The following FAIM2 variants were observed in gnomAD, a reference collection of about 807,000 sequenced individuals.
The protein encoded by FAIM2 is protein lifeguard 2.
In FAIM2, 27 loss-of-function variants were observed where a neutral mutation model predicts 47.4. That is an observed-to-expected ratio of 0.57 (90% CI 0.42 to 0.78). The LOEUF (loss-of-function observed/expected upper bound fraction) is 0.78, where lower values mean the gene tolerates loss of function less well. Among genes scored for constraint, FAIM2 ranks in the 30% least tolerant of loss-of-function variants. FAIM2 has a pLI of 0.00. For missense variants in FAIM2, 311 were observed against 389.4 expected, an observed-to-expected ratio of 0.80 and a Z score of 1.69; for synonymous variants, 156 against 159.3, an observed-to-expected ratio of 0.98 and a Z score of 0.16.
intron 8 of FAIM2, among the ~76,000 whole-genome samples, chr12:49,889,823 C>G (rs910249502): frequency 6.6e-6 from 1 of 152,058 alleles, no homozygotes; most frequent in African/African-American, 2.4e-5. Context: ...GGGTTTGTGC[C>G]GGGCCTGGAG....
chr12:49,890,220 G>A (rs1205618819), intron 7 of FAIM2, 66 bp from the exon 8 acceptor site: 1 of 1,479,076 alleles, frequency 6.8e-7, no homozygotes, highest in African/African-American at 1.4e-5. Flanking sequence ...CACCCTCGAG[G>A]TCCAGCTCAG....
At chr12:49,897,947 C>T (rs1445163225) in intron 3 of FAIM2, 40 bp downstream of exon 3, 1 of 1,517,244 alleles carries the variant, frequency 6.6e-7, no homozygotes, top group Admixed American at 1.7e-5. Flanking sequence ...GGCTCCCCCA[C>T]TGAGGCTCCC....
Position 49,874,771 on chromosome 12 carries a change from G to A in FAIM2, c.802-4118C>T, listed in dbSNP as rs759133427. On this transcript the variant is annotated intron_variant, in intron 11 of 11. Coordinates refer to ENST00000320634, the MANE Select transcript of FAIM2 (RefSeq NM_012306.4). The surrounding 1 kb of genome is among the most constrained non-coding windows in gnomAD (Gnocchi z 4.2). Reference sequence around the variant, plus strand: ...CCTGCATAAATGCCAGTGTGAGGGCGTGTGGAGGCAACCCCCAGGCTGTTG... The same window carrying A: ...CCTGCATAAATGCCAGTGTGAGGGCATGTGGAGGCAACCCCCAGGCTGTTG... Among the ~76,000 whole-genome samples, 8 of 152,228 alleles carry A rather than the reference G, an allele frequency of 5.3e-5. No individual in the cohort carries two copies. The highest frequency in any genetic ancestry group is 1.5e-5 in the Non-Finnish European group (1 of 68,046).
chr12:49,887,539 G>A, intron 10 of FAIM2, 100 bp from the exon 11 acceptor site: 1 of 1,034,352 alleles, frequency 9.7e-7, no homozygotes, highest in South Asian at 1.4e-5. Flanking sequence ...ACACGGGGTA[G>A]CCCTGCCCAG....
intron 11 of FAIM2, among the ~76,000 whole-genome samples, chr12:49,881,603 G>A (rs1190506194): frequency 6.6e-6 from 1 of 152,112 alleles, no homozygotes; most frequent in Non-Finnish European, 1.5e-5. Flanking sequence ...AGCCCCGCCC[G>A]ACCCTCGTGC....
intron 11 of FAIM2, among the ~76,000 whole-genome samples, chr12:49,879,412 A>G (rs898104909): frequency 2.0e-5 from 3 of 148,762 alleles, no homozygotes; most frequent in African/African-American, 7.5e-5. Context: ...GTGAGTGTGC[A>G]TGTGAGTGTA....
chr12:49,901,385 C>A, intron 1 of FAIM2, 60 bp from the exon 2 acceptor site: 1 of 1,307,614 alleles, frequency 7.6e-7, no homozygotes, highest in Non-Finnish European at 1.0e-6. Flanking sequence ...TCCAACTCCT[C>A]CTCCTCACCA....
At chr12:49,887,245 G>A (rs983808704) in intron 11 of FAIM2, 141 bp downstream of exon 11, 11 of 717,774 alleles carry the variant, frequency 1.5e-5, no homozygotes, top group Admixed American at 1.4e-4. Context: ...ACAAACAAAC[G>A]CAGCACCGAG....
chr12:49,879,617 CATGTGTGTATATGTGCGTGT>C (rs1216607803), intron 11 of FAIM2, among the ~76,000 whole-genome samples: 2 of 144,258 alleles, frequency 1.4e-5, no homozygotes, highest in East Asian at 2.1e-4. Flanking sequence ...TATGTGTGTG[CATGTGTGTATATGTGCGTGT>C]ATGTGTGGGC....
chr12:49,879,727 T>G (rs942144410), intron 11 of FAIM2, among the ~76,000 whole-genome samples: 14 of 150,970 alleles, frequency 9.3e-5, no homozygotes, highest in Non-Finnish European at 1.2e-4. Flanking sequence ...TATGTGCAAG[T>G]GTGTGTCTGA....
chr12:49,891,161 C>T (rs763042376), intron 5 of FAIM2, 47 bp from the exon 6 acceptor site: 1 of 1,577,332 alleles, frequency 6.3e-7, no homozygotes, highest in Non-Finnish European at 8.7e-7. Flanking sequence ...TCTCCTGGGT[C>T]CCTCCCCCAA....
In FAIM2 at chr12:49,887,416, A is replaced by G. The variant is rs534936700; in HGVS notation, c.771T>C (p.Tyr257=). Residue 257 remains tyrosine (Y), a synonymous_variant, in exon 11 of 12, where the codon TAT becomes TAC. Transcript: ENST00000320634. ...TAAATACACCCGCTCCCAGTGCTGCATAAACTGCATGGAGCCAGGGCACCT... is the reference window on the plus strand; with the variant it reads ...TAAATACACCCGCTCCCAGTGCTGCGTAAACTGCATGGAGCCAGGGCACCT... ...FQYVPWLHAV[Y]AALGAGVFTL... The G allele has an allele frequency of 3.7e-6, 6 of 1,611,828 alleles. No homozygotes were observed. The African/African-American group carries it at 6.7e-5, about 18-fold the overall frequency.
intron 11 of FAIM2, among the ~76,000 whole-genome samples, chr12:49,880,167 T>TGTGTGTCTGTGTGC (rs146657856): frequency 0.11 from 16,400 of 143,438 alleles, 430 homozygotes; most frequent in East Asian, 0.13. Context: ...TGCATGTGTG[T>TGTGTGTCTGTGTGC]ATGTGTGTGT....
chr12:49,877,809 C>T (rs1026722806), intron 11 of FAIM2, among the ~76,000 whole-genome samples: 16 of 149,326 alleles, frequency 1.1e-4, no homozygotes, highest in African/African-American at 4.0e-4. Flanking sequence ...TGTGAGTGTG[C>T]GTATGTGTAT....
Position 49,900,991 on chromosome 12 carries a change from A to G in FAIM2, c.211+139T>C, listed in dbSNP as rs1276883576. On this transcript the variant is annotated intron_variant, in intron 2 of 11. Coordinates refer to ENST00000320634, the MANE Select transcript of FAIM2 (RefSeq NM_012306.4). ...GACCTACCCTCAGACTAGTTCTCCAAATCCTAAGCATCTAACAACACAGCT... is the reference window on the plus strand; with the variant it reads ...GACCTACCCTCAGACTAGTTCTCCAGATCCTAAGCATCTAACAACACAGCT... 16 of 626,844 alleles carry G rather than the reference A, an allele frequency of 2.6e-5. No homozygotes were observed. The Admixed American group carries it at 4.4e-4, about 17-fold the overall frequency. The allele number at this position is 626,844 out of a possible 1,614,324, so 38.8% of individuals were successfully genotyped here.
At chr12:49,881,894 C>T (rs1946828332) in intron 11 of FAIM2, among the ~76,000 whole-genome samples, 1 of 152,348 alleles carries the variant, frequency 6.6e-6, no homozygotes, top group East Asian at 1.9e-4. Context: ...GCCTGCCACC[C>T]CCTCAGGTGC....
Position 49,869,612 on chromosome 12 carries a change from G to A in FAIM2, c.*892C>T, listed in dbSNP as rs911356138. On this transcript the variant is annotated 3_prime_UTR_variant, in exon 12 of 12. Transcript: ENST00000320634. The stretch of plus-strand genomic sequence containing the variant: ...CCTCCCCCAGAACATCCAGCCGGAG[G>A]GCCCAATCACACCTCACTCAGCCTT... The A allele has an allele frequency of 2.0e-5, 3 of 152,448 alleles. No individual in the cohort carries two copies. Among genetic ancestry groups the A allele is most frequent in the Non-Finnish European group, 4.4e-5 (3 of 68,296 alleles). The allele number at this position is 152,448 out of a possible 1,614,324, so 9.4% of individuals were successfully genotyped here.
chr12:49,890,564 G>A (rs926943319), intron 7 of FAIM2, 119 bp downstream of exon 7: 23 of 932,796 alleles, frequency 2.5e-5, no homozygotes, highest in African/African-American at 1.5e-4. Flanking sequence ...CCCCTGCCCC[G>A]CCAGGGACCT....
intron 5 of FAIM2, among the ~76,000 whole-genome samples, chr12:49,894,989 G>A (rs1946925917): frequency 6.6e-6 from 1 of 152,118 alleles, no homozygotes. Flanking sequence ...GTTGCAGGAG[G>A]TGAGACCTAC....
Sources: gnomAD v4.1 joint callset for allele counts (sites outside exome capture counted in the v4.1 genomes callset) on GRCh38, gnomAD v4.1.1 for gene constraint, Gnocchi (gnomAD v3.1) non-coding constraint, MANE v1.5 for transcripts, NCBI Gene and HGNC (gene_info 2026-07-23, HGNC 2026-07-21) for gene names.